GCKR: variants seen among roughly 807,000 people sequenced by gnomAD.
The protein encoded by GCKR is glucokinase regulator.
GCKR carries 73 observed loss-of-function variants against 82.9 expected under a neutral mutation model. That is an observed-to-expected ratio of 0.88 (90% CI 0.73 to 1.07). The LOEUF is 1.07. Among genes scored for constraint, GCKR ranks in the 50% least tolerant of loss-of-function variants. The probability of loss-of-function intolerance (pLI) is 0.00; values close to 1 mark genes in which losing one functional copy is unlikely to be tolerated. For missense variants in GCKR, 784 were observed against 782.1 expected (o/e 1.00, Z -0.03); for synonymous variants, 294 against 291.8 (o/e 1.01, Z -0.08).
At chr2:27,522,382 GT>G in intron 17 of GCKR, 77 bp from the exon 18 acceptor site, 1 of 1,474,134 alleles carries the variant, frequency 6.8e-7, no homozygotes, top group Non-Finnish European at 9.5e-7. Context: ...CACTCTCATA[GT>G]TTATTCTTCT....
chr2:27,505,185 A>G (rs1251323702), intron 9 of GCKR, among the ~76,000 whole-genome samples: 1 of 144,874 alleles, frequency 6.9e-6, no homozygotes, highest in Admixed American at 7.1e-5. Flanking sequence ...TCACGAGGTC[A>G]GGAGATCGAG....
Position 27,523,595 on chromosome 2 carries a change from G to T in GCKR, c.*156G>T. On this transcript the variant is annotated 3_prime_UTR_variant, in exon 19 of 19. Transcript: ENST00000264717. ...AGGGAGAAATATTCTCTCCACTTTG[G>T]GGGAGAGTTCTTGCTCTCGACCTAG... 1 of 715,308 alleles carries T rather than the reference G, an allele frequency of 1.4e-6. No homozygotes were observed. Among genetic ancestry groups the T allele is most frequent in the South Asian group, 1.6e-5 (1 of 61,942 alleles). 44.3% of individuals were successfully genotyped at this position (715,308 alleles called of 1,614,324 possible). A position where few individuals can be genotyped will look rare whatever the true frequency, so the allele number is the denominator to read the frequency against.
chr2:27,521,250 T>C (rs749835613), intron 17 of GCKR, among the ~76,000 whole-genome samples: 5 of 151,962 alleles, frequency 3.3e-5, no homozygotes, highest in Non-Finnish European at 5.9e-5. Flanking sequence ...TCAGGCCAGG[T>C]GTGGTGGCTT....
chr2:27,505,812 A>T lies in GCKR; in HGVS notation c.845A>T (p.Asp282Val), dbSNP rs769705750. 7.6e-6 allele frequency: 12 copies of T among 1,587,956 alleles called. No homozygotes were observed. Among genetic ancestry groups the T allele is most frequent in the Non-Finnish European group, 9.5e-6 (11 of 1,156,200 alleles). Residue 282 changes from aspartate (D) to valine (V), a missense_variant, in exon 10 of 19, where the codon GAC (aspartate) becomes GTC (valine). Coordinates refer to ENST00000264717, the MANE Select transcript of GCKR (RefSeq NM_001486.4). ...TTATTAGCAGCCCATAAGACTGTGGACCAGGGCATTGCAGCATCTCAAAGG... is the reference window on the plus strand; with the variant it reads ...TTATTAGCAGCCCATAAGACTGTGGTCCAGGGCATTGCAGCATCTCAAAGG... ...TLLLAAHKTV[D>V]QGIAASQRCL...
chr2:27,511,906 C>T (rs1669892088), intron 16 of GCKR, among the ~76,000 whole-genome samples: 1 of 151,948 alleles, frequency 6.6e-6, no homozygotes, highest in Non-Finnish European at 1.5e-5. Flanking sequence ...TAACATTTTG[C>T]CATATTTGCT....
chr2:27,499,361 C>T, intron 6 of GCKR, 36 bp from the exon 7 acceptor site: 1 of 1,545,762 alleles, frequency 6.5e-7, no homozygotes, highest in Non-Finnish European at 8.9e-7. Flanking sequence ...CTGGAATCCT[C>T]CCAGTTACAC....
intron 16 of GCKR, among the ~76,000 whole-genome samples, chr2:27,517,539 C>G (rs562787148): frequency 6.6e-6 from 1 of 152,304 alleles, no homozygotes; most frequent in South Asian, 2.1e-4. Context: ...CCCTGCCCCC[C>G]ATGATTCAAT....
intron 16 of GCKR, among the ~76,000 whole-genome samples, chr2:27,516,808 T>C (rs755310341): frequency 1.3e-5 from 2 of 152,238 alleles, no homozygotes; most frequent in Non-Finnish European, 2.9e-5. Context: ...ATAGCATCAG[T>C]ACTGCATACT....
chr2:27,515,765 A>ATATATTTT (rs1286679766), intron 16 of GCKR, among the ~76,000 whole-genome samples: 8 of 106,920 alleles, frequency 7.5e-5, no homozygotes, highest in African/African-American at 3.0e-4. Context: ...ATATATATAT[A>ATATATTTT]TTTTTTTTTT....
At chr2:27,520,799 G>A (rs1446944104) in intron 17 of GCKR, among the ~76,000 whole-genome samples, 6 of 152,142 alleles carry the variant, frequency 3.9e-5, no homozygotes. Context: ...ATTCTGGGAG[G>A]CCGAAGCAGG....
At chr2:27,513,632 TG>T (rs1274064032) in intron 16 of GCKR, among the ~76,000 whole-genome samples, 2 of 152,168 alleles carry the variant, frequency 1.3e-5, no homozygotes, top group African/African-American at 4.8e-5. Flanking sequence ...ATGAATTTTT[TG>T]TTGTTGTTAA....
chr2:27,523,357 A>G lies in GCKR; in HGVS notation c.1796A>G (p.Glu599Gly). Reference protein sequence around the residue: ...AHLAAAPSVCEAVRSALAGPG... With the variant: ...AHLAAAPSVCGAVRSALAGPG... ...CTGGCTGCAGCTCCTTCTGTCTGTG[A>G]GGCTGTCAGGAGTGCTCTTGCTGGG... is the stretch of plus-strand genomic sequence containing the variant. Residue 599 changes from glutamate (E) to glycine (G), a missense_variant, in exon 19 of 19, where the codon GAG becomes GGG. By Grantham distance (98) the Glu-to-Gly change is moderately conservative. Transcript: ENST00000264717. The G allele has an allele frequency of 6.2e-7, 1 of 1,612,680 alleles. No homozygotes were observed. Among genetic ancestry groups the G allele is most frequent in the Non-Finnish European group, 8.5e-7 (1 of 1,179,924 alleles).
intron 4 of GCKR, 88 bp downstream of exon 4, chr2:27,498,411 G>C: frequency 9.7e-7 from 1 of 1,028,662 alleles, no homozygotes; most frequent in Non-Finnish European, 1.5e-6. Context: ...TAAGCTCCCA[G>C]GTGGCCCCCT....
At chr2:27,497,135 C>A in intron 1 of GCKR, 109 bp from the exon 2 acceptor site, 1 of 1,314,348 alleles carries the variant, frequency 7.6e-7, no homozygotes, top group Non-Finnish European at 1.1e-6. Context: ...TATGTGTGTG[C>A]GTGTGTGTAA....
At position 27,523,553 on chromosome 2, in the gene GCKR, C is replaced by T. The variant is rs1243808039; in HGVS notation, c.*114C>T. ...GGAGGAAGAAGCCCCGTTTCCAGGGCATCCGCAGCCCAGGGTAGGGAGAAA... is the reference window on the plus strand; with the variant it reads ...GGAGGAAGAAGCCCCGTTTCCAGGGTATCCGCAGCCCAGGGTAGGGAGAAA... On this transcript the variant is annotated 3_prime_UTR_variant, in exon 19 of 19. Coordinates refer to ENST00000264717, the MANE Select transcript of GCKR (RefSeq NM_001486.4). 3.0e-6 allele frequency: 3 copies of T among 1,009,002 alleles called. No individual in the cohort carries two copies. The highest frequency in any genetic ancestry group is 3.1e-5 in the African/African-American group (2 of 63,612). The allele number at this position is 1,009,002 out of a possible 1,614,324, so 62.5% of individuals were successfully genotyped here. A position where few individuals can be genotyped will look rare whatever the true frequency, so the allele number is the denominator to read the frequency against.
Position 27,506,558 on chromosome 2 carries a change from T to C in GCKR, c.947T>C (p.Leu316Pro). The C allele has an allele frequency of 6.2e-7, 1 of 1,611,234 alleles. No homozygotes were observed. Among genetic ancestry groups the C allele is most frequent in the Non-Finnish European group, 8.5e-7 (1 of 1,177,374 alleles). ...AGCCAAAGCCCCAAGATTGCCACCC[T>C]GATGAAGAGTGTCAGCACCAGGTGT... Reference protein sequence around the residue: ...TYSQSPKIATLMKSVSTSLEK... With the variant: ...TYSQSPKIATPMKSVSTSLEK... Residue 316 changes from leucine (L) to proline (P), a missense_variant, in exon 11 of 19, where the codon CTG (leucine) becomes CCG (proline). Physicochemically the swap from Leu to Pro is moderately conservative, Grantham distance 98. Coordinates refer to ENST00000264717, the MANE Select transcript of GCKR (RefSeq NM_001486.4).
chr2:27,498,155 G>T, intron 3 of GCKR, 100 bp from the exon 4 acceptor site: 1 of 895,784 alleles, frequency 1.1e-6, no homozygotes. Context: ...GGAGGGATAA[G>T]GAGTCTTTCC....
In GCKR at chr2:27,501,187, T is replaced by C. The variant is rs1442615143; in HGVS notation, c.602T>C (p.Phe201Ser). 1.9e-6 allele frequency: 3 copies of C among 1,614,124 alleles called. No individual in the cohort carries two copies. The South Asian group carries it at 3.3e-5, about 18-fold the overall frequency. The change falls in exon 8 of 19, where the codon TTC becomes TCC. Residue 201 changes from phenylalanine to serine, a missense_variant. Coordinates refer to ENST00000264717, the MANE Select transcript of GCKR (RefSeq NM_001486.4). ...MDCCMNNTAVFLPVLVGFNPV... is the reference protein window; with the variant it reads ...MDCCMNNTAVSLPVLVGFNPV... ...TGCTGCATGAACAACACAGCTGTCT[T>C]CTTGCCAGTCCTGGTTGGCTTCAAT...
chr2:27,497,749 C>A, intron 3 of GCKR, 119 bp downstream of exon 3: 1 of 705,754 alleles, frequency 1.4e-6, no homozygotes, highest in Non-Finnish European at 2.6e-6. Context: ...GGAGATCCTC[C>A]CTTTTGGATC....
Sources: allele counts gnomAD v4.1 joint callset (sites outside exome capture counted in the v4.1 genomes callset), GRCh38; gene constraint gnomAD v4.1.1; transcripts MANE v1.5; gene names NCBI Gene and HGNC (gene_info 2026-07-23, HGNC 2026-07-21).